The following SH3BP4 variants were observed in gnomAD, a reference collection of about 807,000 sequenced individuals.
SH3BP4 encodes the protein SH3 domain-binding protein 4.
Under a neutral mutation model 65.5 loss-of-function variants are expected in SH3BP4, and 33 were observed. That is an observed-to-expected ratio of 0.50 (90% CI 0.38 to 0.67). The LOEUF (loss-of-function observed/expected upper bound fraction) is 0.67, where lower values mean the gene tolerates loss of function less well. Ranked by LOEUF, SH3BP4 falls within the 30% of genes least tolerant of loss-of-function variation. The pLI is 0.00. For synonymous variants in SH3BP4, 552 were observed against 545.5 expected (o/e 1.01, Z -0.17); for missense variants, 1,134 against 1,261.4 (o/e 0.90, Z 1.53).
chr2:235,000,039 C>A (rs556558655), intron 2 of SH3BP4, among the ~76,000 whole-genome samples: 3 of 152,348 alleles, frequency 2.0e-5, no homozygotes, highest in South Asian at 4.1e-4. Context: ...TTCACCTGTA[C>A]CTGGTCTCCA....
Position 235,021,045 on chromosome 2 carries a change from A to G in SH3BP4, c.-132-13826A>G, listed in dbSNP as rs372637945. On this transcript the variant is annotated intron_variant, in intron 2 of 5. Transcript: ENST00000392011. ...CATCTACAGCTTTTTTTGGACCACA[A>G]GGGCAGAGCTGAGTCTTTGTGACAG... Among the ~76,000 whole-genome samples the G allele has an allele frequency of 9.2e-5, 14 of 152,294 alleles. 2 individuals carry two copies. The South Asian group carries it at 2.9e-3, about 32-fold the overall frequency.
At chr2:234,957,953 GTCC>G (rs1488793903) in intron 1 of SH3BP4, among the ~76,000 whole-genome samples, 3 of 152,266 alleles carry the variant, frequency 2.0e-5, no homozygotes, top group East Asian at 3.9e-4. Context: ...CAACAGGTCT[GTCC>G]TCCTCCAGGG....
chr2:235,018,052 G>A (rs552678983), intron 2 of SH3BP4, among the ~76,000 whole-genome samples: 3 of 152,114 alleles, frequency 2.0e-5, no homozygotes, highest in African/African-American at 4.8e-5. Context: ...CAGGGTGAGC[G>A]GGGGCAGACG....
Position 234,976,282 on chromosome 2 carries a change from T to C in SH3BP4, c.-206-19021T>C. Among the ~76,000 whole-genome samples the C allele has an allele frequency of 6.6e-6, 1 of 152,218 alleles. No homozygotes were observed. Among genetic ancestry groups the C allele is most frequent in the East Asian group, 1.9e-4 (1 of 5,192 alleles). The stretch of plus-strand genomic sequence containing the variant: ...GGCAGGACAGGTGGTATCTGGGCCC[T>C]TCTCCTAAAAATTGCCTTTTTATAA... On this transcript the variant is annotated intron_variant, in intron 1 of 5. Transcript: ENST00000392011. The surrounding 1 kb of genome is among the most constrained non-coding windows in gnomAD (Gnocchi z 4.7).
At chr2:234,962,992 C>T (rs1289386417) in intron 1 of SH3BP4, among the ~76,000 whole-genome samples, 1 of 152,070 alleles carries the variant, frequency 6.6e-6, no homozygotes, top group African/African-American at 2.4e-5. Context: ...CCAAGCGATC[C>T]AACTGCCTCA....
chr2:234,988,321 A>G (rs2075988128), intron 1 of SH3BP4, among the ~76,000 whole-genome samples: 1 of 152,134 alleles, frequency 6.6e-6, no homozygotes, highest in East Asian at 1.9e-4. Flanking sequence ...GGCCTCCCAA[A>G]GTGCTGGGAT....
At position 235,030,301 on chromosome 2, in the gene SH3BP4, C is replaced by T. The variant is rs146556243; in HGVS notation, c.-132-4570C>T. On this transcript the variant is annotated intron_variant, in intron 2 of 5. Coordinates refer to ENST00000392011, the MANE Select transcript of SH3BP4 (RefSeq NM_014521.3). The surrounding 1 kb of genome is among the most constrained non-coding windows in gnomAD (Gnocchi z 4.1). Reference sequence around the variant, plus strand: ...GCGTGGGAAGAAATAGTTAGCAAGACTGGGAGCAGAGAGTGTTTTGTCAGG... The same window carrying T: ...GCGTGGGAAGAAATAGTTAGCAAGATTGGGAGCAGAGAGTGTTTTGTCAGG... 6.6e-6 allele frequency among the ~76,000 whole-genome samples: 1 copy of T among 152,286 alleles called. No homozygotes were observed. Among genetic ancestry groups the T allele is most frequent in the East Asian group, 1.9e-4 (1 of 5,180 alleles).
At chr2:235,032,467 G>T (rs1316418141) in intron 2 of SH3BP4, among the ~76,000 whole-genome samples, 1 of 152,176 alleles carries the variant, frequency 6.6e-6, no homozygotes, top group Non-Finnish European at 1.5e-5. Context: ...GTATGGGAAG[G>T]ATTTTTACTC....
In SH3BP4 at chr2:235,054,300, C is replaced by T. The variant is rs1459802761; in HGVS notation, c.*484C>T. ...CACTCAGCCCGGAAAGATGCTCGTT[C>T]GGTTGTTGGACCTCTTTCACTCCCT... On this transcript the variant is annotated 3_prime_UTR_variant, in exon 6 of 6. Transcript: ENST00000392011. The T allele has an allele frequency of 1.3e-5, 2 of 155,540 alleles. No individual in the cohort carries two copies. The highest frequency in any genetic ancestry group is 4.8e-5 in the African/African-American group (2 of 41,448). The allele number at this position is 155,540 out of a possible 1,614,324, so 9.6% of individuals were successfully genotyped here. A position where few individuals can be genotyped will look rare whatever the true frequency, so the allele number is the denominator to read the frequency against.
At chr2:234,972,982 T>G (rs1693042620) in intron 1 of SH3BP4, among the ~76,000 whole-genome samples, 1 of 152,332 alleles carries the variant, frequency 6.6e-6, no homozygotes, top group African/African-American at 2.4e-5. Context: ...ACCTGAGGGC[T>G]GAGACTCAAG....
intron 2 of SH3BP4, among the ~76,000 whole-genome samples, chr2:235,032,743 G>A (rs1206921362): frequency 6.6e-6 from 1 of 152,120 alleles, no homozygotes; most frequent in Non-Finnish European, 1.5e-5. Flanking sequence ...GCCTCAGCGT[G>A]CCAGACCCCA....
chr2:235,049,995 C>T (rs1240760824), intron 4 of SH3BP4, among the ~76,000 whole-genome samples: 1 of 152,118 alleles, frequency 6.6e-6, no homozygotes, highest in Non-Finnish European at 1.5e-5. Flanking sequence ...GGTGTGAAAC[C>T]CACTTCCCCT....
chr2:235,018,282 AG>A (rs1271189785), intron 2 of SH3BP4, among the ~76,000 whole-genome samples: 2 of 152,114 alleles, frequency 1.3e-5, no homozygotes, highest in African/African-American at 4.8e-5. Context: ...GGGATTGGGC[AG>A]GGGGCTTGGT....
At chr2:235,003,221 G>A (rs892780108) in intron 2 of SH3BP4, among the ~76,000 whole-genome samples, 8 of 152,238 alleles carry the variant, frequency 5.3e-5, no homozygotes, top group African/African-American at 1.9e-4. Flanking sequence ...GTCCTCTGTG[G>A]CAGGGACCCA....
chr2:235,014,520 G>A (rs1156599548), intron 2 of SH3BP4, among the ~76,000 whole-genome samples: 1 of 152,172 alleles, frequency 6.6e-6, no homozygotes, highest in Non-Finnish European at 1.5e-5. Flanking sequence ...CACCAGCCAG[G>A]TGTCTTCCCC....
chr2:234,999,684 T>C (rs1694037493), intron 2 of SH3BP4, among the ~76,000 whole-genome samples: 1 of 152,192 alleles, frequency 6.6e-6, no homozygotes, highest in South Asian at 2.1e-4. Context: ...CTCTGAAGGT[T>C]CTCAAAGACT....
In SH3BP4 at chr2:235,041,573, C is replaced by T; in HGVS notation, c.804C>T (p.Gly268=). 1 of 1,614,096 alleles carries T rather than the reference C, an allele frequency of 6.2e-7. No individual in the cohort carries two copies. The highest frequency in any genetic ancestry group is 8.5e-7 in the Non-Finnish European group (1 of 1,180,040). ...DAPTSSSFFT[G]LKSPAPEQFQ... ...CCACATCGTCGAGTTTCTTCACCGG[C>T]TTGAAATCACCTGCCCCCGAGCAAT... is the stretch of plus-strand genomic sequence containing the variant. Residue 268 remains glycine (G), a synonymous_variant, in exon 4 of 6, where the codon GGC becomes GGT. Transcript: ENST00000392011. This position sits in a 1 kb window ranked among gnomAD's most constrained non-coding sequence, Gnocchi z 6.0.
At position 235,034,776 on chromosome 2, in the gene SH3BP4, C is replaced by T; in HGVS notation, c.-132-95C>T. ...AATGGGTCTGTCCTCATTAGAACAG[C>T]CTGGAAGAAAGAGGATTCCCACTTC... is the stretch of plus-strand genomic sequence containing the variant. On this transcript the variant is annotated intron_variant, in intron 2 of 5. Coordinates refer to ENST00000392011, the MANE Select transcript of SH3BP4 (RefSeq NM_014521.3). This position sits in a 1 kb window ranked among gnomAD's most constrained non-coding sequence, Gnocchi z 6.2. 1.9e-6 allele frequency: 1 copy of T among 536,128 alleles called. No individual in the cohort carries two copies. The highest frequency in any genetic ancestry group is 3.4e-6 in the Non-Finnish European group (1 of 297,970). 33.2% of individuals were successfully genotyped at this position (536,128 alleles called of 1,614,324 possible).
At chr2:235,025,019 G>T (rs945356962) in intron 2 of SH3BP4, among the ~76,000 whole-genome samples, 32 of 152,184 alleles carry the variant, frequency 2.1e-4, no homozygotes, top group African/African-American at 6.7e-4. Flanking sequence ...ACTGGCTGGG[G>T]ACCAGAGCTT....
Sources: gnomAD v4.1 joint callset for allele counts (sites outside exome capture counted in the v4.1 genomes callset) on GRCh38, gnomAD v4.1.1 for gene constraint, Gnocchi (gnomAD v3.1) non-coding constraint, MANE v1.5 for transcripts, NCBI Gene and HGNC (gene_info 2026-07-23, HGNC 2026-07-21) for gene names.